Variants in TFAP2D observed in about 807,000 individuals in gnomAD.
TFAP2D encodes transcription factor AP-2 delta.
TFAP2D carries 9 observed loss-of-function variants against 43.6 expected under a neutral mutation model. That is an observed-to-expected ratio of 0.21 (90% CI 0.12 to 0.36). The LOEUF is 0.36. TFAP2D is among the 10% of genes least tolerant of loss of function. The pLI is 1.00. For missense variants in TFAP2D, 513 were observed against 561.4 expected (o/e 0.91, Z 0.87); for synonymous variants, 256 against 224.9 (o/e 1.14, Z -1.24).
At chr6:50,717,336 T>C (rs1768643840) in intron 2 of TFAP2D, among the ~76,000 whole-genome samples, 2 of 152,176 alleles carry the variant, frequency 1.3e-5, no homozygotes, top group Non-Finnish European at 2.9e-5. Context: ...CCAAACAACA[T>C]GTTTTACTTA....
At chr6:50,770,890 G>GTATA (rs112902331) in intron 7 of TFAP2D, among the ~76,000 whole-genome samples, 1 of 150,016 alleles carries the variant, frequency 6.7e-6, no homozygotes, top group African/African-American at 2.4e-5. Flanking sequence ...GCACAATGTT[G>GTATA]TATATATATA....
At chr6:50,735,177 G>A (rs996805632) in intron 5 of TFAP2D, among the ~76,000 whole-genome samples, 2 of 152,138 alleles carry the variant, frequency 1.3e-5, no homozygotes, top group African/African-American at 2.4e-5. Context: ...AAAGCAAAGT[G>A]AGAATAGCTG....
intron 6 of TFAP2D, 113 bp downstream of exon 6, chr6:50,745,361 T>C: frequency 6.9e-7 from 1 of 1,441,462 alleles, no homozygotes; most frequent in Non-Finnish European, 9.5e-7. Context: ...ACAAGGAAGG[T>C]CTCACACACA....
intron 5 of TFAP2D, among the ~76,000 whole-genome samples, chr6:50,740,278 C>T (rs774155059): frequency 9.9e-5 from 15 of 151,936 alleles, no homozygotes; most frequent in Non-Finnish European, 1.9e-4. Flanking sequence ...GTTTTTAAGG[C>T]AATATTGTTA....
chr6:50,719,851 G>T (rs770538920), intron 3 of TFAP2D, among the ~76,000 whole-genome samples: 2 of 152,176 alleles, frequency 1.3e-5, no homozygotes, highest in Non-Finnish European at 2.9e-5. Flanking sequence ...GGAAGGTGGG[G>T]GAAGGCAAGA....
At chr6:50,753,625 A>T (rs1202926387) in intron 7 of TFAP2D, among the ~76,000 whole-genome samples, 1 of 151,898 alleles carries the variant, frequency 6.6e-6, no homozygotes, top group Non-Finnish European at 1.5e-5. Flanking sequence ...GTGAGATTAT[A>T]TTGGAGGTAT....
chr6:50,734,685 G>A (rs537520731), intron 5 of TFAP2D, among the ~76,000 whole-genome samples: 8 of 152,190 alleles, frequency 5.3e-5, no homozygotes, highest in African/African-American at 1.9e-4. Context: ...CATTCTATAA[G>A]AACTAATCAC....
Position 50,745,227 on chromosome 6 carries a change from A to G in TFAP2D, c.1004A>G (p.Lys335Arg), listed in dbSNP as rs201424626. 2.5e-6 allele frequency: 4 copies of G among 1,613,634 alleles called. No individual in the cohort carries two copies. Among genetic ancestry groups the G allele is most frequent in the African/African-American group, 2.7e-5 (2 of 75,016 alleles). Residue 335 changes from lysine (K) to arginine (R), a missense_variant, in exon 6 of 8, where the codon AAA (lysine) becomes AGA (arginine). Physicochemically the swap from Lys to Arg is conservative, Grantham distance 26 (BLOSUM62 2). This residue lies in a region of TFAP2D where 199 missense variants were observed against 227.9 expected (regional missense o/e 0.87). Transcript: ENST00000008391. ...GAACAGAAAGAACAGACAGCAAGAA[A>G]AAAGATGATCCTGGCGACCAAGTAA... ...HMEQKEQTARKKMILATKQIC... is the reference protein window; with the variant it reads ...HMEQKEQTARRKMILATKQIC...
At chr6:50,758,554 A>G (rs1240244542) in intron 7 of TFAP2D, among the ~76,000 whole-genome samples, 1 of 151,982 alleles carries the variant, frequency 6.6e-6, no homozygotes, top group Non-Finnish European at 1.5e-5. Flanking sequence ...CACATGTGAC[A>G]TGCCTTACAG....
chr6:50,769,853 T>C (rs955302800), intron 7 of TFAP2D, among the ~76,000 whole-genome samples: 1 of 152,208 alleles, frequency 6.6e-6, no homozygotes, highest in Non-Finnish European at 1.5e-5. Flanking sequence ...GTTCTTAGTG[T>C]TGTAACTAGA....
rs373333958 is a variant in TFAP2D, at chr6:50,772,811, C to A, written c.1306C>A (p.Arg436=). The A allele has an allele frequency of 3.7e-6, 6 of 1,613,984 alleles. No homozygotes were observed. The highest frequency in any genetic ancestry group is 2.2e-5 in the South Asian group (2 of 91,066). The stretch of plus-strand genomic sequence containing the variant: ...TGCCAACTCGGAGAAAGCTCCCCTG[C>A]GGAAAACTTCAGAGGCTGCCGTGAA... ...GHANSEKAPL[R]KTSEAAVKEG... The change falls in exon 8 of 8, where the codon CGG becomes AGG. Residue 436 remains arginine (R), a synonymous_variant. Transcript: ENST00000008391.
At chr6:50,762,229 T>C (rs1031802956) in intron 7 of TFAP2D, among the ~76,000 whole-genome samples, 8 of 152,096 alleles carry the variant, frequency 5.3e-5, no homozygotes, top group African/African-American at 1.9e-4. Flanking sequence ...AGAATACAGT[T>C]TGAATGGTTG....
intron 7 of TFAP2D, among the ~76,000 whole-genome samples, chr6:50,762,838 A>G (rs1205130214): frequency 6.6e-6 from 1 of 152,046 alleles, no homozygotes; most frequent in Non-Finnish European, 1.5e-5. Flanking sequence ...AATGAGCTGT[A>G]ATCTAGTTAG....
chr6:50,733,142 A>G (rs1029536434), intron 5 of TFAP2D, among the ~76,000 whole-genome samples: 2 of 152,094 alleles, frequency 1.3e-5, no homozygotes, highest in Middle Eastern at 6.3e-3. Context: ...TGAACATTTT[A>G]GTAAGGCAGA....
At chr6:50,741,291 T>A (rs1769041543) in intron 5 of TFAP2D, among the ~76,000 whole-genome samples, 2 of 152,316 alleles carry the variant, frequency 1.3e-5, no homozygotes, top group South Asian at 4.1e-4. Context: ...CTTCTTTTTT[T>A]AAACTTTTAT....
chr6:50,745,677 G>C (rs1005977782), intron 6 of TFAP2D, among the ~76,000 whole-genome samples: 6 of 152,248 alleles, frequency 3.9e-5, no homozygotes, highest in African/African-American at 1.4e-4. Flanking sequence ...ACACGTTGGT[G>C]AGAGGTACCA....
rs553184858 is a variant in TFAP2D at position 50,719,299 on chromosome 6, T to G, written c.598+149T>G. On this transcript the variant is annotated intron_variant, in intron 3 of 7. Transcript: ENST00000008391. ...ATTATTCTAGTCCAACACTGGCATA[T>G]CCACATTAAAAAGCCTCCTTTCTTT... The G allele has an allele frequency of 2.3e-5, 19 of 823,462 alleles. No homozygotes were observed. The Middle Eastern group carries it at 1.1e-3, about 46-fold the overall frequency. The allele number at this position is 823,462 out of a possible 1,614,324, so 51.0% of individuals were successfully genotyped here.
At chr6:50,742,619 TAGATAGATAGATGATA>T (rs757801395) in intron 5 of TFAP2D, among the ~76,000 whole-genome samples, 35 of 145,064 alleles carry the variant, frequency 2.4e-4, no homozygotes, top group African/African-American at 5.7e-4. Context: ...GATAGATAGA[TAGATAGATAGATGATA>T]GATAGATAGA....
At chr6:50,754,773 T>C (rs1227673396) in intron 7 of TFAP2D, among the ~76,000 whole-genome samples, 1 of 151,948 alleles carries the variant, frequency 6.6e-6, no homozygotes, top group Non-Finnish European at 1.5e-5. Context: ...TTCTACATCA[T>C]CTTTGAAAAA....
Sources: gnomAD v4.1 joint callset for allele counts (sites outside exome capture counted in the v4.1 genomes callset) on GRCh38, gnomAD v4.1.1 for gene constraint, gnomAD v4.1.1 regional missense constraint, MANE v1.5 for transcripts, NCBI Gene and HGNC (gene_info 2026-07-23, HGNC 2026-07-21) for gene names.